Variants in MSRA observed in about 807,000 individuals in gnomAD.
MSRA encodes methionine sulfoxide reductase A.
A neutral mutation model predicts 31.3 loss-of-function variants in MSRA; 54 were observed. That is an observed-to-expected ratio of 1.73 (90% CI 1.39 to 2.17). The LOEUF (loss-of-function observed/expected upper bound fraction) is 2.17. Ranked by LOEUF, MSRA falls within the 30% of genes most tolerant of loss-of-function variation. MSRA has a pLI of 0.00. For synonymous variants in MSRA, 169 were observed against 116.5 expected, an observed-to-expected ratio of 1.45 and a Z score of -2.90; for missense variants, 507 against 300.9, an observed-to-expected ratio of 1.69 and a Z score of -5.07.
intron 1 of MSRA, among the ~76,000 whole-genome samples, chr8:10,087,615 C>G (rs974722290): frequency 2.6e-5 from 4 of 152,066 alleles, no homozygotes; most frequent in Non-Finnish European, 5.9e-5. Context: ...TTTTCTGTCC[C>G]GTGGGCTAGG....
chr8:10,249,255 C>G (rs1797791224), intron 3 of MSRA, among the ~76,000 whole-genome samples: 1 of 152,192 alleles, frequency 6.6e-6, no homozygotes, highest in Non-Finnish European at 1.5e-5. Context: ...AGTTCTAATT[C>G]TTATTTAGAA....
chr8:10,389,223 C>T (rs191938719), intron 5 of MSRA, among the ~76,000 whole-genome samples: 4 of 152,244 alleles, frequency 2.6e-5, no homozygotes, highest in East Asian at 1.9e-4. Flanking sequence ...TTGAAAGTTT[C>T]CTGGGTGACT....
intron 5 of MSRA, among the ~76,000 whole-genome samples, chr8:10,347,897 G>A (rs985873319): frequency 2.0e-5 from 3 of 152,190 alleles, no homozygotes; most frequent in Admixed American, 1.3e-4. Flanking sequence ...TCCAGTGGCA[G>A]TTATAGATAC....
At chr8:10,396,662 A>C (rs2129182082) in intron 5 of MSRA, among the ~76,000 whole-genome samples, 1 of 152,352 alleles carries the variant, frequency 6.6e-6, no homozygotes, top group Non-Finnish European at 1.5e-5. Context: ...TGGCTGTTGA[A>C]TAATCTTGTC....
intron 5 of MSRA, 70 bp downstream of exon 5, chr8:10,320,059 G>C (rs1264644481): frequency 1.1e-6 from 1 of 940,326 alleles, no homozygotes; most frequent in Non-Finnish European, 1.6e-6. Flanking sequence ...GATTTTAGAG[G>C]GCAGTCTGCT....
chr8:10,388,047 C>G (rs116937423), intron 5 of MSRA, among the ~76,000 whole-genome samples: 11 of 152,118 alleles, frequency 7.2e-5, no homozygotes, highest in African/African-American at 2.4e-5. Context: ...TCCAATGGAG[C>G]CCTTGTAACA....
intron 1 of MSRA, among the ~76,000 whole-genome samples, chr8:10,125,834 A>G (rs928280902): frequency 3.9e-5 from 6 of 152,216 alleles, no homozygotes; most frequent in African/African-American, 1.4e-4. Flanking sequence ...ATTGATACCA[A>G]TACCTGTTAT....
chr8:10,136,956 G>C (rs1802326937), intron 1 of MSRA, among the ~76,000 whole-genome samples: 1 of 152,222 alleles, frequency 6.6e-6, no homozygotes, highest in African/African-American at 2.4e-5. Flanking sequence ...TCTAGTCATT[G>C]TCGTCATGGG....
chr8:10,059,394 C>T (rs1256548056), intron 1 of MSRA, among the ~76,000 whole-genome samples: 2 of 152,100 alleles, frequency 1.3e-5, no homozygotes, highest in African/African-American at 4.8e-5. Flanking sequence ...AGATGTTAGG[C>T]AGTTTAAACA....
chr8:10,248,971 C>T (rs373190621), intron 3 of MSRA, among the ~76,000 whole-genome samples: 28 of 152,160 alleles, frequency 1.8e-4, no homozygotes, highest in East Asian at 1.7e-3. Flanking sequence ...TGTAGGATTT[C>T]AGAGTAACCT....
chr8:10,239,663 T>A (rs1262454016), intron 2 of MSRA, among the ~76,000 whole-genome samples: 5 of 152,106 alleles, frequency 3.3e-5, no homozygotes, highest in African/African-American at 9.7e-5. Context: ...CTCAATGGAG[T>A]CTTGCTATAT....
intron 1 of MSRA, among the ~76,000 whole-genome samples, chr8:10,157,403 G>T (rs2129040314): frequency 6.6e-6 from 1 of 152,216 alleles, no homozygotes; most frequent in African/African-American, 2.4e-5. Flanking sequence ...TGGTCTGGTT[G>T]ATATCTCAGT....
At chr8:10,148,259 A>G (rs1317472260) in intron 1 of MSRA, among the ~76,000 whole-genome samples, 2 of 152,112 alleles carry the variant, frequency 1.3e-5, no homozygotes, top group Non-Finnish European at 2.9e-5. Flanking sequence ...ATCCCTTCAT[A>G]TAATGCACCC....
chr8:10,190,239 G>A (rs1807394543), intron 1 of MSRA, among the ~76,000 whole-genome samples: 1 of 152,054 alleles, frequency 6.6e-6, no homozygotes, highest in Non-Finnish European at 1.5e-5. Flanking sequence ...CCCAGTCATG[G>A]CCCCAGAACT....
At chr8:10,126,142 A>T (rs575311853) in intron 1 of MSRA, among the ~76,000 whole-genome samples, 2 of 152,232 alleles carry the variant, frequency 1.3e-5, no homozygotes, top group East Asian at 3.8e-4. Flanking sequence ...TAATTAATAC[A>T]TTGTAACTAA....
intron 1 of MSRA, among the ~76,000 whole-genome samples, chr8:10,057,815 T>A (rs1270941879): frequency 2.0e-5 from 3 of 152,220 alleles, no homozygotes; most frequent in Admixed American, 6.5e-5. Flanking sequence ...TGGCCATGCT[T>A]TCTGTACAGG....
intron 1 of MSRA, among the ~76,000 whole-genome samples, chr8:10,158,056 A>G (rs4527876): frequency 3.3e-5 from 5 of 152,000 alleles, no homozygotes; most frequent in African/African-American, 1.2e-4. Flanking sequence ...TGATGAGGGC[A>G]CACTTCCTGC....
At chr8:10,183,364 A>G (rs555118112) in intron 1 of MSRA, among the ~76,000 whole-genome samples, 1 of 152,288 alleles carries the variant, frequency 6.6e-6, no homozygotes, top group East Asian at 1.9e-4. Context: ...GCCAGGGGCT[A>G]AGTGTGATAA....
chr8:10,077,502 T>TA (rs1491199708), intron 1 of MSRA, among the ~76,000 whole-genome samples: 1 of 86,714 alleles, frequency 1.2e-5, no homozygotes, highest in Non-Finnish European at 2.6e-5. Flanking sequence ...TTTTTTTTTT[T>TA]AAATGAGACA....
Sources: gnomAD v4.1 joint callset for allele counts (sites outside exome capture counted in the v4.1 genomes callset) on GRCh38, gnomAD v4.1.1 for gene constraint, MANE v1.5 for transcripts, NCBI Gene and HGNC (gene_info 2026-07-23, HGNC 2026-07-21) for gene names.